The following TMEM266 variants were observed in gnomAD, a reference collection of about 807,000 sequenced individuals.
TMEM266 encodes the protein Hv1 related protein 1.
In TMEM266, 33 loss-of-function variants were observed where a neutral mutation model predicts 50.5. The observed-to-expected ratio is 0.65, with a 90% CI of 0.50 to 0.87. TMEM266 has a LOEUF of 0.87. TMEM266 is among the 40% of genes least tolerant of loss of function. TMEM266 has a pLI of 0.00. For missense variants in TMEM266, 655 were observed against 695.1 expected, an observed-to-expected ratio of 0.94 and a Z score of 0.65; for synonymous variants, 310 against 292.3, an observed-to-expected ratio of 1.06 and a Z score of -0.62.
intron 3 of TMEM266, among the ~76,000 whole-genome samples, chr15:76,149,591 G>T (rs1476093370): frequency 6.6e-6 from 1 of 152,192 alleles, no homozygotes; most frequent in Non-Finnish European, 1.5e-5. Flanking sequence ...ACAACAACCT[G>T]TCAAAGCAGA....
chr15:76,134,755 G>A (rs779868890), intron 2 of TMEM266, among the ~76,000 whole-genome samples: 1 of 152,230 alleles, frequency 6.6e-6, no homozygotes, highest in Non-Finnish European at 1.5e-5. Flanking sequence ...GGGCCTGACT[G>A]CTCTGTCATC....
At chr15:76,195,051 G>GTTC (rs1268785671) in intron 9 of TMEM266, among the ~76,000 whole-genome samples, 1 of 152,102 alleles carries the variant, frequency 6.6e-6, no homozygotes, top group African/African-American at 2.4e-5. Flanking sequence ...TTCTGTAAAT[G>GTTC]TTCTGTACGG....
rs116071714 is a variant in TMEM266, at chr15:76,098,543, A to G, written c.-96-35625A>G. Among the ~76,000 whole-genome samples, 1,488 of 152,204 alleles carry G rather than the reference A, an allele frequency of 9.8e-3. 18 individuals are homozygous for G. Among genetic ancestry groups the G allele is most frequent in the African/African-American group, 0.034 (1,405 of 41,560 alleles). Reference sequence around the variant, plus strand: ...CCCTACTGGGAGCTGTCTCCCAGTTAGGATACACGGGGATCAGGGACCCAC... The same window carrying G: ...CCCTACTGGGAGCTGTCTCCCAGTTGGGATACACGGGGATCAGGGACCCAC... On this transcript the variant is annotated intron_variant, in intron 1 of 10. Transcript: ENST00000388942.
chr15:76,134,916 A>C (rs893840680), intron 2 of TMEM266, among the ~76,000 whole-genome samples: 7 of 152,226 alleles, frequency 4.6e-5, no homozygotes, highest in Non-Finnish European at 8.8e-5. Context: ...GATGACTTTT[A>C]AATGTGGGTG....
At chr15:76,135,285 G>A (rs1315539625) in intron 2 of TMEM266, among the ~76,000 whole-genome samples, 2 of 152,138 alleles carry the variant, frequency 1.3e-5, no homozygotes, top group African/African-American at 4.8e-5. Context: ...AAGGGTGTAG[G>A]CTAAATATAG....
intron 10 of TMEM266, 120 bp from the exon 11 acceptor site, chr15:76,203,621 C>T (rs1393433960): frequency 4.4e-6 from 4 of 901,288 alleles, no homozygotes; most frequent in East Asian, 4.9e-5. Context: ...TCCACAAAGG[C>T]ACGGTCTCCT....
At chr15:76,132,318 C>A (rs1218546006) in intron 1 of TMEM266, among the ~76,000 whole-genome samples, 1 of 151,550 alleles carries the variant, frequency 6.6e-6, no homozygotes, top group Non-Finnish European at 1.5e-5. Context: ...ACCGTGTTAG[C>A]CAGGATGGTC....
chr15:76,185,198 T>C (rs2038475511), intron 8 of TMEM266, among the ~76,000 whole-genome samples: 1 of 152,246 alleles, frequency 6.6e-6, no homozygotes, highest in Non-Finnish European at 1.5e-5. Context: ...CCATGGTTTC[T>C]TTATTCATTG....
At position 76,076,536 on chromosome 15, in the gene TMEM266, G is replaced by A. The variant is rs548745837; in HGVS notation, c.-97+16520G>A. Among the ~76,000 whole-genome samples the A allele has an allele frequency of 2.6e-4, 40 of 152,058 alleles. No individual in the cohort carries two copies. The South Asian group carries it at 5.2e-3, about 20-fold the overall frequency. ...AACAATATGCTATATGACATACATC[G>A]AGTCTTATTTGAGAAAGAAAATCCC... On this transcript the variant is annotated intron_variant, in intron 1 of 10. Transcript: ENST00000388942.
chr15:76,130,740 A>G (rs1477428601), intron 1 of TMEM266, among the ~76,000 whole-genome samples: 2 of 152,206 alleles, frequency 1.3e-5, no homozygotes, highest in East Asian at 3.8e-4. Context: ...AATAACGTTG[A>G]CGTTGGGTGG....
At chr15:76,127,141 T>C (rs2037435913) in intron 1 of TMEM266, among the ~76,000 whole-genome samples, 1 of 152,128 alleles carries the variant, frequency 6.6e-6, no homozygotes, top group African/African-American at 2.4e-5. Context: ...AATTATATGA[T>C]GTGATCGGTA....
At chr15:76,196,136 A>G (rs1012786538) in intron 9 of TMEM266, among the ~76,000 whole-genome samples, 10 of 152,204 alleles carry the variant, frequency 6.6e-5, no homozygotes, top group African/African-American at 2.4e-4. Flanking sequence ...AAGGTAGGGG[A>G]TATCTGGATA....
intron 5 of TMEM266, among the ~76,000 whole-genome samples, chr15:76,166,220 G>A (rs2038094729): frequency 6.6e-6 from 1 of 152,102 alleles, no homozygotes; most frequent in African/African-American, 2.4e-5. Flanking sequence ...GTCTGGGGAG[G>A]GGAAGGATGC....
chr15:76,154,947 G>T (rs2037902552), intron 3 of TMEM266, among the ~76,000 whole-genome samples: 1 of 152,196 alleles, frequency 6.6e-6, no homozygotes, highest in Non-Finnish European at 1.5e-5. Flanking sequence ...GCGCCTCAGG[G>T]CACAGCCCCC....
intron 1 of TMEM266, among the ~76,000 whole-genome samples, chr15:76,061,114 C>A (rs894426951): frequency 6.6e-6 from 1 of 152,110 alleles, no homozygotes; most frequent in African/African-American, 2.4e-5. Context: ...CCCCCAAATA[C>A]CTCCACCCTA....
At chr15:76,176,419 G>A (rs1279830373) in intron 8 of TMEM266, 1 of 152,966 alleles carries the variant, frequency 6.5e-6, no homozygotes, top group Non-Finnish European at 1.5e-5. Context: ...CAGCAAGGCT[G>A]AGAGCTCTGT....
At position 76,191,955 on chromosome 15, in the gene TMEM266, TCTCC is replaced by T; in HGVS notation, c.769-8_769-5del. 1 of 1,574,106 alleles carries T rather than the reference TCTCC, an allele frequency of 6.4e-7. No individual in the cohort carries two copies. Among genetic ancestry groups the T allele is most frequent in the Non-Finnish European group, 8.6e-7 (1 of 1,166,300 alleles). On this transcript the variant is annotated splice_polypyrimidine_tract_variant and intron_variant, in intron 8 of 10. Coordinates refer to ENST00000388942, the MANE Select transcript of TMEM266 (RefSeq NM_152335.3). The stretch of plus-strand genomic sequence containing the variant: ...CTCGCCGCTGATTCAGCCTTGCCCG[TCTCC>T]CTCCGCAGTTTGAGATCCGGCAGCT...
chr15:76,063,113 T>C (rs1375139254), intron 1 of TMEM266, among the ~76,000 whole-genome samples: 1 of 152,234 alleles, frequency 6.6e-6, no homozygotes, highest in Non-Finnish European at 1.5e-5. Context: ...CAGTCTTGAA[T>C]CACAAAAGTT....
rs193203429 is a variant in TMEM266, at chr15:76,199,510, G to A, written c.959-2692G>A. On this transcript the variant is annotated intron_variant, in intron 9 of 10. Coordinates refer to ENST00000388942, the MANE Select transcript of TMEM266 (RefSeq NM_152335.3). Reference sequence around the variant, plus strand: ...AATGAGTACAGGGTGGGGAAGGCCTGGTCTGGCCTCAGCTCCTGCAGAGAA... The same window carrying A: ...AATGAGTACAGGGTGGGGAAGGCCTAGTCTGGCCTCAGCTCCTGCAGAGAA... Among the ~76,000 whole-genome samples the A allele has an allele frequency of 4.6e-5, 7 of 151,494 alleles. No homozygotes were observed. The East Asian group carries it at 1.4e-3, about 30-fold the overall frequency.
Sources: allele counts gnomAD v4.1 joint callset (sites outside exome capture counted in the v4.1 genomes callset), GRCh38; gene constraint gnomAD v4.1.1; transcripts MANE v1.5; gene names NCBI Gene and HGNC (gene_info 2026-07-23, HGNC 2026-07-21).